The following IGBP1C variants were observed in gnomAD, a reference collection of about 807,000 sequenced individuals.
IGBP1C encodes the protein IGBP1 family member C, also known as immunoglobulin-binding protein 1 family member C.
the IGBP1C span, among the ~76,000 whole-genome samples, chr17:58,685,264 T>G: frequency 6.6e-6 from 1 of 151,652 alleles, no homozygotes; most frequent in East Asian, 1.9e-4. Context: ...TGAAACACCG[T>G]CTCTACTAAA....
At chr17:58,665,504 G>A in the IGBP1C span, among the ~76,000 whole-genome samples, 1 of 152,070 alleles carries the variant, frequency 6.6e-6, no homozygotes, top group Non-Finnish European at 1.5e-5. Context: ...GCTGAGGCAT[G>A]AGAATTGCTT....
the IGBP1C span, among the ~76,000 whole-genome samples, chr17:58,680,246 C>T: frequency 3.5e-4 from 54 of 152,158 alleles, no homozygotes; most frequent in Admixed American, 1.1e-3. Context: ...CTGCTATACA[C>T]GTAACCTGAG....
the IGBP1C span, among the ~76,000 whole-genome samples, chr17:58,671,870 G>A: frequency 3.3e-5 from 5 of 151,962 alleles, no homozygotes; most frequent in African/African-American, 9.7e-5. Flanking sequence ...GACTTTCCAC[G>A]CCATTTCACT....
At chr17:58,680,528 G>A in the IGBP1C span, among the ~76,000 whole-genome samples, 10 of 152,096 alleles carry the variant, frequency 6.6e-5, no homozygotes, top group African/African-American at 2.4e-4. Flanking sequence ...GATCACTTGA[G>A]GTCAGGAATT....
At chr17:58,678,622 A>G in the IGBP1C span, among the ~76,000 whole-genome samples, 2 of 152,006 alleles carry the variant, frequency 1.3e-5, no homozygotes, top group African/African-American at 4.8e-5. Context: ...GGAATTGAAC[A>G]ATGAGAACAC....
the IGBP1C span, among the ~76,000 whole-genome samples, chr17:58,670,903 T>C: frequency 2.0e-5 from 3 of 151,994 alleles, no homozygotes; most frequent in African/African-American, 7.3e-5. Flanking sequence ...ATATATTAAT[T>C]AGCTCCCTGT....
At chr17:58,666,550 G>A in the IGBP1C span, 2 of 145,624 alleles carry the variant, frequency 1.4e-5, no homozygotes, top group South Asian at 2.3e-4. Context: ...CAGCAAGTGC[G>A]AACGCAATCT....
chr17:58,661,379 G>T, the IGBP1C span: 1 of 921,592 alleles, frequency 1.1e-6, no homozygotes, highest in Non-Finnish European at 1.8e-6. Context: ...GTCGGTGGAA[G>T]TAATCTCCTC....
chr17:58,679,063 A>C, the IGBP1C span, among the ~76,000 whole-genome samples: 1 of 152,060 alleles, frequency 6.6e-6, no homozygotes, highest in Non-Finnish European at 1.5e-5. Flanking sequence ...CTGAGGCAGG[A>C]GAATCCCTTG....
chr17:58,672,018 A>G, the IGBP1C span, among the ~76,000 whole-genome samples: 1 of 152,046 alleles, frequency 6.6e-6, no homozygotes, highest in African/African-American at 2.4e-5. Context: ...CACGGATAAC[A>G]GGGGGTGGGT....
the IGBP1C span, among the ~76,000 whole-genome samples, chr17:58,684,597 C>T: frequency 6.6e-6 from 1 of 151,618 alleles, no homozygotes; most frequent in Non-Finnish European, 1.5e-5. Context: ...CGTGCCACTG[C>T]ACTCCAGCCT....
the IGBP1C span, chr17:58,692,040 G>A: frequency 6.5e-6 from 1 of 153,896 alleles, no homozygotes; most frequent in Non-Finnish European, 1.4e-5. Context: ...GGTGGGTGCG[G>A]GGAATGCGGA....
the IGBP1C span, among the ~76,000 whole-genome samples, chr17:58,674,292 A>G: frequency 2.0e-5 from 3 of 149,830 alleles, no homozygotes; most frequent in African/African-American, 4.9e-5. Context: ...AAAAAAGGAA[A>G]CCCTTGATTT....
the IGBP1C span, chr17:58,661,383 T>C: frequency 3.3e-6 from 3 of 913,278 alleles, no homozygotes; most frequent in Non-Finnish European, 5.6e-6. Flanking sequence ...GTGGAAGTAA[T>C]CTCCTCCAAA....
the IGBP1C span, among the ~76,000 whole-genome samples, chr17:58,667,607 G>A: frequency 2.6e-5 from 4 of 152,150 alleles, no homozygotes; most frequent in Admixed American, 6.5e-5. Context: ...TTTGCTGGCC[G>A]GGTGCAGTGG....
chr17:58,664,285 A>G, the IGBP1C span, among the ~76,000 whole-genome samples: 1 of 152,196 alleles, frequency 6.6e-6, no homozygotes, highest in African/African-American at 2.4e-5. Context: ...CACAGCTCTG[A>G]GGCCTCTATG....
chr17:58,672,034 T>A, the IGBP1C span, among the ~76,000 whole-genome samples: 1 of 152,248 alleles, frequency 6.6e-6, no homozygotes, highest in South Asian at 2.1e-4. Flanking sequence ...TGGGTGGGAA[T>A]GGTTTCAGGA....
the IGBP1C span, among the ~76,000 whole-genome samples, chr17:58,686,087 G>C: frequency 6.6e-6 from 1 of 151,068 alleles, no homozygotes; most frequent in South Asian, 2.1e-4. Flanking sequence ...ATGGTGGCTC[G>C]CACCTGTAAT....
chr17:58,679,823 A>T, the IGBP1C span: 2 of 152,058 alleles, frequency 1.3e-5, no homozygotes, highest in African/African-American at 4.8e-5. Context: ...ATAACCCAGC[A>T]CCTGTATTTT....
Sources: allele counts gnomAD v4.1 joint callset (sites outside exome capture counted in the v4.1 genomes callset), GRCh38; gene constraint gnomAD v4.1.1; transcripts MANE v1.5; gene names NCBI Gene and HGNC (gene_info 2026-07-23, HGNC 2026-07-21).